Variants in PPP3R1 observed in about 807,000 individuals in gnomAD.
The protein encoded by PPP3R1 is protein phosphatase 3 regulatory subunit B, alpha.
In PPP3R1, 5 loss-of-function variants were observed where a neutral mutation model predicts 22.6. That is an observed-to-expected ratio of 0.22 (90% CI 0.12 to 0.46). PPP3R1 has a LOEUF of 0.46. Among genes scored for constraint, PPP3R1 ranks in the 20% least tolerant of loss-of-function variants. The pLI is 0.99. For synonymous variants in PPP3R1, 56 were observed against 65.2 expected (o/e 0.86, Z 0.68); for missense variants, 61 against 203.2 (o/e 0.30, Z 4.25).
chr2:68,184,598 T>C (rs572611232), intron 5 of PPP3R1, among the ~76,000 whole-genome samples: 2 of 152,312 alleles, frequency 1.3e-5, no homozygotes, highest in Non-Finnish European at 2.9e-5. Context: ...AAAGTACATA[T>C]ATAGTATGCA....
intron 1 of PPP3R1, among the ~76,000 whole-genome samples, chr2:68,233,905 C>G (rs1277001254): frequency 2.0e-5 from 3 of 151,912 alleles, no homozygotes; most frequent in Non-Finnish European, 4.4e-5. Flanking sequence ...TGACTATAAA[C>G]AGGGATGGAA....
chr2:68,202,791 A>ATTTTTTTTTTTTT (rs1558632604), intron 2 of PPP3R1, among the ~76,000 whole-genome samples: 1 of 93,546 alleles, frequency 1.1e-5, no homozygotes, highest in African/African-American at 5.4e-5. Context: ...GAGTTCAGGG[A>ATTTTTTTTTTTTT]ATTTTTTTTT....
intron 2 of PPP3R1, among the ~76,000 whole-genome samples, chr2:68,190,309 A>AATCCT (rs1674636573): frequency 6.7e-6 from 1 of 150,130 alleles, no homozygotes; most frequent in Admixed American, 6.6e-5. Flanking sequence ...TCACGCCTGT[A>AATCCT]ATCCTAGCAC....
intron 2 of PPP3R1, among the ~76,000 whole-genome samples, chr2:68,194,369 T>C (rs941031595): frequency 6.6e-6 from 1 of 152,126 alleles, no homozygotes; most frequent in East Asian, 1.9e-4. Context: ...TTCAAGAATC[T>C]TGTTAATGTT....
chr2:68,235,571 G>A (rs897896606), intron 1 of PPP3R1, among the ~76,000 whole-genome samples: 10 of 152,112 alleles, frequency 6.6e-5, no homozygotes, highest in South Asian at 4.2e-4. Context: ...CATTTCATTC[G>A]TATGAACATA....
At chr2:68,203,039 T>C (rs1675020365) in intron 2 of PPP3R1, among the ~76,000 whole-genome samples, 1 of 152,256 alleles carries the variant, frequency 6.6e-6, no homozygotes, top group East Asian at 1.9e-4. Context: ...TTTAAGTTCA[T>C]GTACTATACT....
chr2:68,236,302 T>C (rs1279948479), intron 1 of PPP3R1, among the ~76,000 whole-genome samples: 1 of 152,232 alleles, frequency 6.6e-6, no homozygotes, highest in African/African-American at 2.4e-5. Flanking sequence ...ATTTATGTAC[T>C]GTCTATAGCT....
At chr2:68,187,703 G>C (rs1441657229) in intron 3 of PPP3R1, among the ~76,000 whole-genome samples, 4 of 152,100 alleles carry the variant, frequency 2.6e-5, no homozygotes, top group Non-Finnish European at 5.9e-5. Context: ...TCAAAATTGT[G>C]AATCAAATAT....
In PPP3R1 at chr2:68,199,963, T is replaced by C. The variant is rs190370649; in HGVS notation, c.44-11273A>G. On this transcript the variant is annotated intron_variant, in intron 2 of 5. Transcript: ENST00000234310. ...TGCTAGCTTCTATTTTCTAAGAGTC[T>C]AGATAAGACTGTGTTTCTTTCTTTC... is the stretch of plus-strand genomic sequence containing the variant. Among the ~76,000 whole-genome samples, 80 of 152,336 alleles carry C rather than the reference T, an allele frequency of 5.3e-4. 1 individual carries two copies. The highest frequency in any genetic ancestry group is 8.5e-4 in the Non-Finnish European group (58 of 68,018).
At chr2:68,191,913 T>C (rs1674675772) in intron 2 of PPP3R1, among the ~76,000 whole-genome samples, 1 of 152,204 alleles carries the variant, frequency 6.6e-6, no homozygotes, top group African/African-American at 2.4e-5. Flanking sequence ...AAAAATATAA[T>C]GAAAGTCCTA....
intron 5 of PPP3R1, among the ~76,000 whole-genome samples, chr2:68,183,308 TC>T (rs1381757995): frequency 2.6e-5 from 4 of 152,216 alleles, no homozygotes; most frequent in African/African-American, 9.6e-5. Context: ...CCATTATGAC[TC>T]CTGGTTGTTT....
chr2:68,215,423 A>G (rs1189952910), intron 2 of PPP3R1, among the ~76,000 whole-genome samples: 2 of 152,204 alleles, frequency 1.3e-5, no homozygotes, highest in Non-Finnish European at 2.9e-5. Context: ...GCCGCATAGT[A>G]AATTTGAAAG....
chr2:68,229,227 G>A (rs957370027), intron 1 of PPP3R1, among the ~76,000 whole-genome samples: 3 of 150,980 alleles, frequency 2.0e-5, no homozygotes, highest in Non-Finnish European at 2.9e-5. Context: ...GCCCAGGCTC[G>A]TCTCAAACTC....
At chr2:68,236,446 A>G (rs1670021997) in intron 1 of PPP3R1, among the ~76,000 whole-genome samples, 1 of 152,274 alleles carries the variant, frequency 6.6e-6, no homozygotes, top group African/African-American at 2.4e-5. Flanking sequence ...ACAACTCCTA[A>G]TTACCCCTAA....
intron 1 of PPP3R1, among the ~76,000 whole-genome samples, chr2:68,242,564 GAGAA>G (rs1465116697): frequency 6.6e-6 from 1 of 152,212 alleles, no homozygotes; most frequent in African/African-American, 2.4e-5. Flanking sequence ...CTCTTTACTT[GAGAA>G]AGAGTATAAG....
intron 2 of PPP3R1, among the ~76,000 whole-genome samples, chr2:68,195,648 C>T (rs527281693): frequency 1.8e-4 from 27 of 152,106 alleles, no homozygotes; most frequent in Non-Finnish European, 3.4e-4. Context: ...TGAAAAATTT[C>T]TTTTCCCGTC....
intron 1 of PPP3R1, among the ~76,000 whole-genome samples, chr2:68,251,536 C>A (rs1670351900): frequency 6.6e-6 from 1 of 152,168 alleles, no homozygotes; most frequent in Non-Finnish European, 1.5e-5. Flanking sequence ...CGCAGGGCTG[C>A]GCACCGCAGC....
At chr2:68,232,263 G>GTA (rs1558641546) in intron 1 of PPP3R1, among the ~76,000 whole-genome samples, 3 of 57,872 alleles carry the variant, frequency 5.2e-5, no homozygotes, top group Admixed American at 1.8e-4. Context: ...GTGTGTGTGT[G>GTA]TGTATATATA....
At chr2:68,222,876 GA>G (rs1171272388) in intron 1 of PPP3R1, among the ~76,000 whole-genome samples, 3 of 151,206 alleles carry the variant, frequency 2.0e-5, no homozygotes, top group East Asian at 1.9e-4. Context: ...AAGCAAATGA[GA>G]AAAAAAAGAA....
Sources: allele counts gnomAD v4.1 joint callset (sites outside exome capture counted in the v4.1 genomes callset), GRCh38; gene constraint gnomAD v4.1.1; transcripts MANE v1.5; gene names NCBI Gene and HGNC (gene_info 2026-07-23, HGNC 2026-07-21).